EIF2S2: variants seen among roughly 807,000 people sequenced by gnomAD.
EIF2S2 encodes eukaryotic translation initiation factor 2 subunit beta, also known as eukaryotic translation initiation factor 2 subunit 2.
A neutral mutation model predicts 44.0 loss-of-function variants in EIF2S2; 4 were observed. That is an observed-to-expected ratio of 0.09 (90% confidence interval 0.04 to 0.21). The LOEUF (loss-of-function observed/expected upper bound fraction) is 0.21. Among genes scored for constraint, EIF2S2 ranks in the 10% least tolerant of loss-of-function variants. The probability of loss-of-function intolerance (pLI) is 1.00; values close to 1 mark genes in which losing one functional copy is unlikely to be tolerated. For synonymous variants in EIF2S2, 108 were observed against 128.3 expected (o/e 0.84, Z 1.07); for missense variants, 154 against 392.0 (o/e 0.39, Z 5.13).
At chr20:34,094,541 T>C (rs1333385820) in intron 6 of EIF2S2, among the ~76,000 whole-genome samples, 2 of 152,166 alleles carry the variant, frequency 1.3e-5, no homozygotes, top group African/African-American at 2.4e-5. Flanking sequence ...TGTTAATCCA[T>C]ATATATTTCA....
At chr20:34,090,470 CATG>C in intron 8 of EIF2S2, 44 bp downstream of exon 8, 1 of 1,223,140 alleles carries the variant, frequency 8.2e-7, no homozygotes, top group Non-Finnish European at 1.1e-6. Context: ...ACTGCAGCCT[CATG>C]AGAACATTTC....
At chr20:34,109,113 C>A (rs950612706) in intron 1 of EIF2S2, among the ~76,000 whole-genome samples, 1 of 151,930 alleles carries the variant, frequency 6.6e-6, no homozygotes, top group Non-Finnish European at 1.5e-5. Context: ...TGCTGTTTTT[C>A]TTTGTATTCT....
rs765966122 is a variant in EIF2S2 at position 34,103,530 on chromosome 20, T to A, written c.229A>T (p.Asn77Tyr). Residue 77 changes from asparagine to tyrosine, a missense_variant, in exon 3 of 9, where the codon AAT (asparagine) becomes TAT (tyrosine). By Grantham distance (143) the Asn-to-Tyr change is moderately radical (BLOSUM62 -2). This residue lies in a region of EIF2S2 where 134 missense variants were observed against 225.0 expected (regional missense o/e 0.60). Coordinates refer to ENST00000374980, the MANE Select transcript of EIF2S2 (RefSeq NM_003908.5). ...GTTTTTTTCTTCTTTTTCTTTTGATTAAAGAAGTTCAAGTCATCTAGATCA... is the reference window on the plus strand; with the variant it reads ...GTTTTTTTCTTCTTTTTCTTTTGATAAAAGAAGTTCAAGTCATCTAGATCA... ...SDDLDDLNFF[N>Y]QKKKKKKTKK... is the part of the protein sequence containing the mutation. The A allele has an allele frequency of 6.3e-7, 1 of 1,575,530 alleles. No individual in the cohort carries two copies. The highest frequency in any genetic ancestry group is 8.6e-7 in the Non-Finnish European group (1 of 1,157,604).
rs978339367 is a variant in EIF2S2, at chr20:34,098,492, C to G, written c.433+6G>C. Reference sequence around the variant, plus strand: ...TCTAAATGTGCTGCTGAGTCCTCAGCATTACCTTCATCTTTCTCTAGTATT... The same window carrying G: ...TCTAAATGTGCTGCTGAGTCCTCAGGATTACCTTCATCTTTCTCTAGTATT... On this transcript the variant is annotated splice_donor_region_variant and intron_variant, in intron 4 of 8. Coordinates refer to ENST00000374980, the MANE Select transcript of EIF2S2 (RefSeq NM_003908.5). 6.2e-7 allele frequency: 1 copy of G among 1,612,636 alleles called. No homozygotes were observed. Among genetic ancestry groups the G allele is most frequent in the East Asian group, 2.2e-5 (1 of 44,860 alleles).
At chr20:34,099,900 C>T (rs1355571477) in intron 3 of EIF2S2, among the ~76,000 whole-genome samples, 1 of 152,226 alleles carries the variant, frequency 6.6e-6, no homozygotes, top group Non-Finnish European at 1.5e-5. Context: ...GGAGCTGCCA[C>T]ACCAGGGACA....
At chr20:34,103,337 A>G in intron 3 of EIF2S2, 125 bp downstream of exon 3, 1 of 1,278,908 alleles carries the variant, frequency 7.8e-7, no homozygotes, top group Non-Finnish European at 1.1e-6. Flanking sequence ...TGACGCTACC[A>G]GTGGCAATTA....
intron 3 of EIF2S2, among the ~76,000 whole-genome samples, chr20:34,100,115 A>G (rs1263957037): frequency 6.6e-6 from 1 of 152,188 alleles, no homozygotes; most frequent in Non-Finnish European, 1.5e-5. Context: ...CTCGGGTTCA[A>G]GTGGTTCTTC....
At chr20:34,107,507 T>TA (rs938871183) in intron 1 of EIF2S2, among the ~76,000 whole-genome samples, 6 of 152,338 alleles carry the variant, frequency 3.9e-5, no homozygotes, top group Admixed American at 2.0e-4. Flanking sequence ...TATGTAAATG[T>TA]AAAACACTTG....
chr20:34,094,875 T>C (rs1215873349), intron 6 of EIF2S2, among the ~76,000 whole-genome samples: 3 of 152,210 alleles, frequency 2.0e-5, no homozygotes, highest in East Asian at 1.9e-4. Flanking sequence ...CAAAATGCAA[T>C]AGGTGAGAAC....
At chr20:34,111,994 G>T in intron 1 of EIF2S2, 102 bp downstream of exon 1, 1 of 1,248,880 alleles carries the variant, frequency 8.0e-7, no homozygotes, top group Non-Finnish European at 1.0e-6. Flanking sequence ...TGCCTCACAT[G>T]GCGGCGGCCG....
At chr20:34,101,675 C>CTTT (rs891453441) in intron 3 of EIF2S2, among the ~76,000 whole-genome samples, 3 of 132,420 alleles carry the variant, frequency 2.3e-5, no homozygotes, top group Admixed American at 7.7e-5. Flanking sequence ...AAGTATTTTT[C>CTTT]TTTTTTTTTT....
chr20:34,099,499 G>A (rs563038975), intron 3 of EIF2S2, among the ~76,000 whole-genome samples: 6 of 152,178 alleles, frequency 3.9e-5, no homozygotes, highest in South Asian at 2.1e-4. Context: ...AGATTTTTCC[G>A]GGTGACACCA....
chr20:34,095,949 G>GT (rs1445574693), intron 6 of EIF2S2, among the ~76,000 whole-genome samples: 1 of 152,190 alleles, frequency 6.6e-6, no homozygotes. Context: ...TTCCCAGACA[G>GT]TAACCCAGGG....
intron 1 of EIF2S2, among the ~76,000 whole-genome samples, chr20:34,107,561 G>A (rs142606458): frequency 2.6e-5 from 4 of 152,290 alleles, no homozygotes; most frequent in East Asian, 3.9e-4. Context: ...ATTAGCAATT[G>A]TAATTTATAT....
At chr20:34,110,076 G>A (rs1198384129) in intron 1 of EIF2S2, among the ~76,000 whole-genome samples, 2 of 129,918 alleles carry the variant, frequency 1.5e-5, no homozygotes, top group African/African-American at 6.0e-5. Flanking sequence ...CCAGTCCAGC[G>A]ACAGTGCGAA....
At chr20:34,103,413 C>T (rs774158759) in intron 3 of EIF2S2, 49 bp downstream of exon 3, 1 of 1,493,064 alleles carries the variant, frequency 6.7e-7, no homozygotes, top group Non-Finnish European at 9.0e-7. Context: ...CAGCCATTAG[C>T]AACCTTGCAA....
chr20:34,095,168 C>T (rs2034212120), intron 6 of EIF2S2, among the ~76,000 whole-genome samples: 1 of 152,184 alleles, frequency 6.6e-6, no homozygotes, highest in South Asian at 2.1e-4. Flanking sequence ...AAAACACTTA[C>T]TCAGACTAAT....
chr20:34,093,553 G>T, intron 7 of EIF2S2, 122 bp downstream of exon 7: 1 of 822,100 alleles, frequency 1.2e-6, no homozygotes, highest in South Asian at 2.0e-5. Flanking sequence ...CTCCTCCACT[G>T]GCCTAAAAGT....
In EIF2S2 at chr20:34,090,621, A is replaced by G. The variant is rs747822251; in HGVS notation, c.741-19T>C. On this transcript the variant is annotated intron_variant, in intron 7 of 8. Transcript: ENST00000374980. ...AGAACCACTATGAAAGAAAACAAAAATATCTCCATTATTATTGTTTTTTCC... is the reference window on the plus strand; with the variant it reads ...AGAACCACTATGAAAGAAAACAAAAGTATCTCCATTATTATTGTTTTTTCC... 12 of 1,405,542 alleles carry G rather than the reference A, an allele frequency of 8.5e-6. No individual in the cohort carries two copies. Among genetic ancestry groups the G allele is most frequent in the African/African-American group, 4.4e-5 (3 of 68,664 alleles). The allele number at this position is 1,405,542 out of a possible 1,614,324, so 87.1% of individuals were successfully genotyped here.
Sources: allele counts gnomAD v4.1 joint callset (sites outside exome capture counted in the v4.1 genomes callset), GRCh38; gene constraint gnomAD v4.1.1; regional missense constraint gnomAD v4.1.1; transcripts MANE v1.5; gene names NCBI Gene and HGNC (gene_info 2026-07-23, HGNC 2026-07-21).